Variants in DACH2 observed in about 807,000 individuals in gnomAD.
DACH2 encodes the protein dachshund family transcription factor 2.
DACH2 carries 17 observed loss-of-function variants against 35.8 expected under a neutral mutation model. That is an observed-to-expected ratio of 0.48 (90% confidence interval 0.33 to 0.71). The LOEUF (loss-of-function observed/expected upper bound fraction) is 0.71. Ranked by LOEUF, DACH2 falls within the 30% of genes least tolerant of loss-of-function variation. DACH2 has a pLI of 0.02. For synonymous variants in DACH2, 195 were observed against 177.3 expected, an observed-to-expected ratio of 1.10 and a Z score of -0.79; for missense variants, 469 against 472.7, an observed-to-expected ratio of 0.99 and a Z score of 0.07.
chrX:86,148,820 A>T lies in DACH2; in HGVS notation c.200A>T (p.Glu67Val). The change falls in exon 1 of 12, where the codon GAG becomes GTG. Residue 67 changes from glutamate to valine, a missense_variant. Transcript: ENST00000373125. ...GGCAGGGGCAACACCAACACCAACG[A>T]GTGCCGCATGGTCGACATGCACGGG... Reference protein sequence around the residue: ...GGGRGNTNTNECRMVDMHGMK... With the variant: ...GGGRGNTNTNVCRMVDMHGMK... 1 of 1,211,598 alleles carries T rather than the reference A, an allele frequency of 8.3e-7. No individual in the cohort carries two copies. The highest frequency in any genetic ancestry group is 1.1e-6 in the Non-Finnish European group (1 of 895,520).
At chrX:86,165,590 G>T (rs2030917910) in intron 1 of DACH2, among the ~76,000 whole-genome samples, 1 of 110,754 alleles carries the variant, frequency 9.0e-6, no homozygotes, top group Non-Finnish European at 1.9e-5. Flanking sequence ...ATGATGTTGG[G>T]CACCTTTTCA....
chrX:86,779,364 A>C (rs2042068145), intron 7 of DACH2, among the ~76,000 whole-genome samples: 1 of 111,461 alleles, frequency 9.0e-6, no homozygotes, highest in Non-Finnish European at 1.9e-5. Context: ...AGTGTGGCTG[A>C]GGCAAAGGGA....
rs2031100443 is a variant in DACH2, at chrX:86,170,777, C to T, written c.488+21669C>T. ...TTATTTTGCCAAGGCTAAGCATGCG[C>T]CTGTGACACAGCTTCAGGAGGTCCT... On this transcript the variant is annotated intron_variant, in intron 1 of 11. Transcript: ENST00000373125. 1.8e-5 allele frequency among the ~76,000 whole-genome samples: 2 copies of T among 112,301 alleles called. 1 individual carries two copies. Among genetic ancestry groups the T allele is most frequent in the South Asian group, 7.3e-4 (2 of 2,725 alleles).
At chrX:86,342,612 G>C (rs2035430455) in intron 1 of DACH2, among the ~76,000 whole-genome samples, 1 of 109,668 alleles carries the variant, frequency 9.1e-6, no homozygotes, top group Non-Finnish European at 1.9e-5. Flanking sequence ...TTCGAGACCA[G>C]CTTGGCCAAC....
chrX:86,657,506 C>A (rs2040557349), intron 4 of DACH2, among the ~76,000 whole-genome samples: 1 of 111,344 alleles, frequency 9.0e-6, no homozygotes, highest in African/African-American at 3.3e-5. Flanking sequence ...AAGCTGAGTG[C>A]ATGTTACCTT....
At chrX:86,232,629 C>T (rs944672408) in intron 1 of DACH2, among the ~76,000 whole-genome samples, 3 of 111,567 alleles carry the variant, frequency 2.7e-5, no homozygotes, top group African/African-American at 6.5e-5. Flanking sequence ...AAATGCAAAC[C>T]GTAACAAGAT....
intron 1 of DACH2, among the ~76,000 whole-genome samples, chrX:86,286,834 A>G (rs1311841949): frequency 2.7e-5 from 3 of 111,981 alleles, no homozygotes; most frequent in African/African-American, 9.7e-5. Flanking sequence ...ACTATGTCTG[A>G]AAATGTAGTT....
At chrX:86,467,073 C>A (rs1206281331) in intron 2 of DACH2, among the ~76,000 whole-genome samples, 1 of 112,169 alleles carries the variant, frequency 8.9e-6, no homozygotes, top group Non-Finnish European at 1.9e-5. Flanking sequence ...ATACAAATTT[C>A]TGCAGCTGGA....
intron 3 of DACH2, among the ~76,000 whole-genome samples, chrX:86,537,954 C>T (rs1265595122): frequency 9.0e-6 from 1 of 110,951 alleles, no homozygotes; most frequent in African/African-American, 3.3e-5. Flanking sequence ...GAACCCCGCC[C>T]CTGCCCACCA....
intron 4 of DACH2, among the ~76,000 whole-genome samples, chrX:86,658,867 T>G (rs2040573584): frequency 8.9e-6 from 1 of 111,756 alleles, no homozygotes; most frequent in African/African-American, 3.2e-5. Context: ...CTCAGTGATG[T>G]TCTCTGGAAA....
intron 1 of DACH2, among the ~76,000 whole-genome samples, chrX:86,290,156 A>C (rs1449979909): frequency 2.4e-5 from 2 of 84,774 alleles, no homozygotes; most frequent in African/African-American, 4.7e-5. Flanking sequence ...TTTGATTTGC[A>C]TTTCTCTGAT....
At chrX:86,779,786 G>A (rs924704240) in intron 7 of DACH2, among the ~76,000 whole-genome samples, 1 of 112,040 alleles carries the variant, frequency 8.9e-6, no homozygotes, top group Non-Finnish European at 1.9e-5. Flanking sequence ...GAAAACAGAA[G>A]ATGAGGTTGG....
At chrX:86,711,774 G>T (rs1374032548) in intron 5 of DACH2, among the ~76,000 whole-genome samples, 1 of 112,296 alleles carries the variant, frequency 8.9e-6, no homozygotes, top group Non-Finnish European at 1.9e-5. Context: ...GCTATTGCAG[G>T]TCATGATTTC....
intron 2 of DACH2, among the ~76,000 whole-genome samples, chrX:86,476,408 A>AC (rs1303896548): frequency 3.6e-5 from 4 of 111,176 alleles, no homozygotes; most frequent in African/African-American, 1.3e-4. Flanking sequence ...TACAAATTTC[A>AC]CTTCTTCTAG....
At chrX:86,717,824 A>T (rs1016205609) in intron 6 of DACH2, among the ~76,000 whole-genome samples, 3 of 105,476 alleles carry the variant, frequency 2.8e-5, no homozygotes, top group African/African-American at 1.0e-4. Flanking sequence ...ATCCTAAAAA[A>T]GTGCAAGATA....
At chrX:86,769,461 A>T (rs751362286) in intron 7 of DACH2, among the ~76,000 whole-genome samples, 1 of 112,433 alleles carries the variant, frequency 8.9e-6, no homozygotes, top group African/African-American at 3.2e-5. Context: ...ACATGGAACT[A>T]AAAGAGAGCC....
intron 4 of DACH2, among the ~76,000 whole-genome samples, chrX:86,681,572 CCTCT>C (rs1282696913): frequency 5.3e-5 from 5 of 93,798 alleles, no homozygotes; most frequent in African/African-American, 7.7e-5. Context: ...AGAGTGAGAC[CCTCT>C]CTCTCTCTCT....
chrX:86,519,122 T>A (rs1156716532), intron 3 of DACH2, among the ~76,000 whole-genome samples: 2 of 112,256 alleles, frequency 1.8e-5, no homozygotes, highest in Non-Finnish European at 3.8e-5. Context: ...TTGAATTTTA[T>A]CATAAACCAG....
intron 3 of DACH2, among the ~76,000 whole-genome samples, chrX:86,582,562 C>T (rs1289213956): frequency 9.1e-6 from 1 of 109,993 alleles, no homozygotes; most frequent in Admixed American, 9.8e-5. Context: ...ACACAAAAAC[C>T]CTCAGATACT....
Sources: gnomAD v4.1 joint callset for allele counts (sites outside exome capture counted in the v4.1 genomes callset) on GRCh38, gnomAD v4.1.1 for gene constraint, MANE v1.5 for transcripts, NCBI Gene and HGNC (gene_info 2026-07-23, HGNC 2026-07-21) for gene names.